The following KCNN3 variants were observed in gnomAD, a reference collection of about 807,000 sequenced individuals.
The protein encoded by KCNN3 is small conductance calcium-activated potassium channel protein 3.
In KCNN3, 16 loss-of-function variants were observed where a neutral mutation model predicts 62.9. The ratio of observed to expected loss-of-function variants is 0.25; its 90% confidence interval spans 0.17 to 0.39. The LOEUF is 0.39. Among genes scored for constraint, KCNN3 ranks in the 10% least tolerant of loss-of-function variants. The probability of loss-of-function intolerance (pLI) is 1.00; values close to 1 mark genes in which losing one functional copy is unlikely to be tolerated. For synonymous variants in KCNN3, 370 were observed against 389.2 expected (o/e 0.95, Z 0.58); for missense variants, 599 against 949.4 (o/e 0.63, Z 4.85).
intron 3 of KCNN3, among the ~76,000 whole-genome samples, chr1:154,734,017 A>C (rs1423928933): frequency 6.6e-6 from 1 of 152,208 alleles, no homozygotes; most frequent in African/African-American, 2.4e-5. Flanking sequence ...GGCAGAGGGC[A>C]ATGACCTTGA....
chr1:154,750,790 G>A (rs1370233058), intron 3 of KCNN3, among the ~76,000 whole-genome samples: 1 of 152,172 alleles, frequency 6.6e-6, no homozygotes. Flanking sequence ...CAAGTGTCGT[G>A]GCTGTGCTCG....
At chr1:154,790,955 G>A (rs1462438367) in intron 2 of KCNN3, among the ~76,000 whole-genome samples, 1 of 152,172 alleles carries the variant, frequency 6.6e-6, no homozygotes, top group African/African-American at 2.4e-5. Context: ...GAGGCCAAGT[G>A]TGGTGGCTCA....
intron 2 of KCNN3, among the ~76,000 whole-genome samples, chr1:154,800,644 TGCCA>T (rs1262114078): frequency 2.0e-5 from 3 of 152,294 alleles, no homozygotes; most frequent in Non-Finnish European, 2.9e-5. Flanking sequence ...CCAGTTCTGA[TGCCA>T]GCCAGCCTGA....
chr1:154,800,026 G>A (rs1304177784), intron 2 of KCNN3, among the ~76,000 whole-genome samples: 1 of 152,160 alleles, frequency 6.6e-6, no homozygotes, highest in Non-Finnish European at 1.5e-5. Context: ...GCAGGCGAAG[G>A]GTGTGACGTA....
intron 5 of KCNN3, among the ~76,000 whole-genome samples, chr1:154,716,101 G>A (rs997940871): frequency 1.3e-5 from 2 of 152,206 alleles, no homozygotes; most frequent in African/African-American, 2.4e-5. Context: ...GCAATCACAC[G>A]TTTCAACATA....
At chr1:154,757,976 A>T (rs924116707) in intron 3 of KCNN3, among the ~76,000 whole-genome samples, 8 of 152,208 alleles carry the variant, frequency 5.3e-5, no homozygotes, top group Admixed American at 3.9e-4. Flanking sequence ...ACCTGCTAGT[A>T]AGAGCATAAG....
At chr1:154,768,262 A>G (rs1009395749) in intron 3 of KCNN3, among the ~76,000 whole-genome samples, 5 of 152,248 alleles carry the variant, frequency 3.3e-5, no homozygotes, top group Non-Finnish European at 7.3e-5. Context: ...CTGGCTGAAT[A>G]AGTCCTGGCT....
At chr1:154,738,853 T>G (rs1700769045) in intron 3 of KCNN3, among the ~76,000 whole-genome samples, 1 of 152,208 alleles carries the variant, frequency 6.6e-6, no homozygotes, top group Non-Finnish European at 1.5e-5. Context: ...GTTATCATAT[T>G]TTTTACTACA....
intron 1 of KCNN3, among the ~76,000 whole-genome samples, chr1:154,829,846 G>A (rs1274014718): frequency 2.6e-5 from 4 of 152,132 alleles, no homozygotes; most frequent in Non-Finnish European, 5.9e-5. Flanking sequence ...CACCCTTCCC[G>A]AGGCTGGCCA....
Position 154,869,362 on chromosome 1 carries a change from G to T in KCNN3, c.603C>A (p.Ala201=), listed in dbSNP as rs143830956. Residue 201 remains alanine (A), a synonymous_variant, in exon 1 of 8, where the codon GCC becomes GCA. Coordinates refer to ENST00000271915, the MANE Select transcript of KCNN3 (RefSeq NM_002249.6). This position sits in a 1 kb window ranked among gnomAD's most constrained non-coding sequence, Gnocchi z 6.1. ...GCTGGAGGGGTTGGCCCTCAGTCTC[G>T]GCCTCGATGAGGTTCCTCCGGGAGG... The part of the protein sequence containing the change: ...LSASRRNLIE[A]ETEGQPLQLF... The T allele has an allele frequency of 4.3e-5, 70 of 1,613,958 alleles. No individual in the cohort carries two copies. The highest frequency in any genetic ancestry group is 5.8e-5 in the Non-Finnish European group (68 of 1,179,982).
rs533091251 is a variant in KCNN3 at position 154,815,172 on chromosome 1, A to G, written c.1029+6917T>C. Reference sequence around the variant, plus strand: ...GGGGGTCTCAAGATCTCGGAGGTTCAATGAAGGTATTTCTAATTCATCAAC... The same window carrying G: ...GGGGGTCTCAAGATCTCGGAGGTTCGATGAAGGTATTTCTAATTCATCAAC... On this transcript the variant is annotated intron_variant, in intron 2 of 7. Transcript: ENST00000271915. Among the ~76,000 whole-genome samples, 317 of 152,182 alleles carry G rather than the reference A, an allele frequency of 2.1e-3. 1 individual carries two copies. The highest frequency in any genetic ancestry group is 7.3e-3 in the African/African-American group (305 of 41,510).
chr1:154,819,823 G>A (rs1490046089), intron 2 of KCNN3, among the ~76,000 whole-genome samples: 1 of 152,204 alleles, frequency 6.6e-6, no homozygotes, highest in Non-Finnish European at 1.5e-5. Flanking sequence ...GACCCAGCTG[G>A]TAAGTGCAAG....
intron 2 of KCNN3, 65 bp downstream of exon 2, chr1:154,822,024 G>C (rs1175870701): frequency 1.6e-6 from 2 of 1,252,050 alleles, no homozygotes; most frequent in African/African-American, 1.5e-5. Context: ...GGTGGGGATG[G>C]GCTCGGCTCA....
chr1:154,863,707 T>C (rs1351872001), intron 1 of KCNN3, among the ~76,000 whole-genome samples: 1 of 152,218 alleles, frequency 6.6e-6, no homozygotes, highest in Non-Finnish European at 1.5e-5. Flanking sequence ...CAAATCCCTC[T>C]TCCTAAAAGC....
At chr1:154,837,792 A>G (rs1651653681) in intron 1 of KCNN3, among the ~76,000 whole-genome samples, 1 of 152,220 alleles carries the variant, frequency 6.6e-6, no homozygotes, top group Admixed American at 6.5e-5. Context: ...ACGGGCTACC[A>G]GGTGGCAACC....
At chr1:154,839,645 C>T (rs78469718) in intron 1 of KCNN3, among the ~76,000 whole-genome samples, 6,168 of 152,246 alleles carry the variant, frequency 0.041, 152 homozygotes, top group Middle Eastern at 0.082. Context: ...GGACTCAGAC[C>T]CCCGCTCAGC....
chr1:154,851,410 C>G (rs959909900), intron 1 of KCNN3, among the ~76,000 whole-genome samples: 1 of 152,182 alleles, frequency 6.6e-6, no homozygotes, highest in Non-Finnish European at 1.5e-5. Flanking sequence ...TCTTACAACC[C>G]CTGGGGCAGG....
chr1:154,796,302 A>G (rs970752493), intron 2 of KCNN3, among the ~76,000 whole-genome samples: 3 of 152,126 alleles, frequency 2.0e-5, no homozygotes, highest in Non-Finnish European at 4.4e-5. Context: ...TCCACTCCAG[A>G]TCTGAATTCT....
chr1:154,774,206 G>A (rs1557969280), intron 2 of KCNN3, among the ~76,000 whole-genome samples: 1 of 152,202 alleles, frequency 6.6e-6, no homozygotes. Flanking sequence ...AATGGATCTG[G>A]TCTCGGTCTT....
Sources: allele counts gnomAD v4.1 joint callset (sites outside exome capture counted in the v4.1 genomes callset), GRCh38; gene constraint gnomAD v4.1.1; non-coding constraint Gnocchi (gnomAD v3.1); transcripts MANE v1.5; gene names NCBI Gene and HGNC (gene_info 2026-07-23, HGNC 2026-07-21).